The following PLAC8 variants were observed in gnomAD, a reference collection of about 807,000 sequenced individuals.
PLAC8 encodes placenta associated 8.
PLAC8 carries 6 observed loss-of-function variants against 12.6 expected under a neutral mutation model. That is an observed-to-expected ratio of 0.48 (90% CI 0.26 to 0.94). The LOEUF (loss-of-function observed/expected upper bound fraction) is 0.94. Among genes scored for constraint, PLAC8 ranks in the 40% least tolerant of loss-of-function variants. The probability of loss-of-function intolerance (pLI) is 0.14; values close to 1 mark genes in which losing one functional copy is unlikely to be tolerated. For synonymous variants in PLAC8, 54 were observed against 52.6 expected, an observed-to-expected ratio of 1.03 and a Z score of -0.11; for missense variants, 122 against 152.7, an observed-to-expected ratio of 0.80 and a Z score of 1.06.
intron 4 of PLAC8, 81 bp from the exon 5 acceptor site, chr4:83,091,052 T>G (rs957354201): frequency 6.6e-6 from 1 of 152,208 alleles, no homozygotes; most frequent in Non-Finnish European, 1.5e-5. Context: ...CAGAATCATT[T>G]TTGATTGACG....
Position 83,097,920 on chromosome 4 carries a change from G to A in PLAC8, c.244-3129C>T, listed in dbSNP as rs969159251. Among the ~76,000 whole-genome samples, 7 of 149,194 alleles carry A rather than the reference G, an allele frequency of 4.7e-5. No homozygotes were observed. In the East Asian group the frequency reaches 5.9e-4, roughly 13 times the overall value. On this transcript the variant is annotated intron_variant, in intron 3 of 4. Coordinates refer to ENST00000311507, the MANE Select transcript of PLAC8 (RefSeq NM_016619.3). ...TGCCACCAGGCTAGAGTGCAGTGGC[G>A]TGATCTCGGCTCACCGCAACCTCCG... is the stretch of plus-strand genomic sequence containing the variant.
intron 1 of PLAC8, among the ~76,000 whole-genome samples, chr4:83,112,128 C>T (rs1056347476): frequency 2.7e-5 from 4 of 149,078 alleles, no homozygotes; most frequent in African/African-American, 5.0e-5. Flanking sequence ...GAGCCAAGAT[C>T]GTGCCATTGC....
In PLAC8 at chr4:83,113,029, A is replaced by T. The variant is rs143199149; in HGVS notation, c.-30+1637T>A. 8.7e-3 allele frequency among the ~76,000 whole-genome samples: 1,303 copies of T among 150,238 alleles called. 8 individuals carry two copies. Among genetic ancestry groups the T allele is most frequent in the Non-Finnish European group, 0.014 (969 of 67,274 alleles). On this transcript the variant is annotated intron_variant, in intron 1 of 4. Coordinates refer to ENST00000311507, the MANE Select transcript of PLAC8 (RefSeq NM_016619.3). ...GTAGATTTCTAGACACTGCTCAGAGATTGTGACTTAGATAGAATGAGCTAG... is the reference window on the plus strand; with the variant it reads ...GTAGATTTCTAGACACTGCTCAGAGTTTGTGACTTAGATAGAATGAGCTAG...
chr4:83,095,681 A>G (rs1731909394), intron 3 of PLAC8, among the ~76,000 whole-genome samples: 1 of 152,224 alleles, frequency 6.6e-6, no homozygotes, highest in African/African-American at 2.4e-5. Flanking sequence ...CCTCTAACTA[A>G]AAGTCAAGAA....
chr4:83,110,490 CA>C (rs1357280498), intron 1 of PLAC8, among the ~76,000 whole-genome samples: 1 of 152,240 alleles, frequency 6.6e-6, no homozygotes, highest in Non-Finnish European at 1.5e-5. Flanking sequence ...GTAAGCTCCA[CA>C]AAGGCAGGGG....
At chr4:83,111,333 A>G (rs1391661364) in intron 1 of PLAC8, among the ~76,000 whole-genome samples, 1 of 152,262 alleles carries the variant, frequency 6.6e-6, no homozygotes, top group Non-Finnish European at 1.5e-5. Context: ...TCCTTTTCAG[A>G]AACAAAAAGC....
At chr4:83,091,922 G>A (rs1437177309) in intron 4 of PLAC8, among the ~76,000 whole-genome samples, 3 of 151,942 alleles carry the variant, frequency 2.0e-5, no homozygotes, top group Non-Finnish European at 4.4e-5. Flanking sequence ...AATCTAACAC[G>A]ACCTTATTTT....
At chr4:83,114,416 G>A (rs1051994875) in intron 1 of PLAC8, among the ~76,000 whole-genome samples, 5 of 152,156 alleles carry the variant, frequency 3.3e-5, no homozygotes, top group African/African-American at 1.2e-4. Context: ...CAATTGATGA[G>A]GATTCAAGGC....
chr4:83,110,299 T>C (rs1157814349), intron 1 of PLAC8, among the ~76,000 whole-genome samples: 1 of 136,592 alleles, frequency 7.3e-6, no homozygotes, highest in Non-Finnish European at 1.5e-5. Context: ...TGGATTCTAG[T>C]CTTGGGGTAC....
intron 2 of PLAC8, among the ~76,000 whole-genome samples, chr4:83,106,084 C>G (rs1411507564): frequency 6.6e-6 from 1 of 152,042 alleles, no homozygotes; most frequent in Non-Finnish European, 1.5e-5. Context: ...ACTGCAACCT[C>G]TACCTCTCAG....
intron 4 of PLAC8, among the ~76,000 whole-genome samples, chr4:83,091,413 G>T (rs950849953): frequency 2.0e-5 from 3 of 152,164 alleles, no homozygotes; most frequent in South Asian, 2.1e-4. Flanking sequence ...AGGTTTGTCT[G>T]ATGTTTTTCT....
In PLAC8 at chr4:83,094,760, A is replaced by G. The variant is rs1202679339; in HGVS notation, c.275T>C (p.Leu92Pro). Residue 92 changes from leucine to proline, a missense_variant, in exon 4 of 5, where the codon CTT becomes CCT. Physicochemically the swap from Leu to Pro is moderately conservative, Grantham distance 98. Transcript: ENST00000311507. ...GCAAAGAGTACAATGAGGACAGCAA[A>G]GAGTTGCCATATAGTCATCACAAAT... ...GSICDDYMATLCCPHCTLCQI... is the reference protein window; with the variant it reads ...GSICDDYMATPCCPHCTLCQI... 5 of 1,603,492 alleles carry G rather than the reference A, an allele frequency of 3.1e-6. No homozygotes were observed.
chr4:83,094,684 T>C lies in PLAC8; in HGVS notation c.*3A>G. 1 of 1,575,876 alleles carries C rather than the reference T, an allele frequency of 6.3e-7. No homozygotes were observed. The highest frequency in any genetic ancestry group is 8.7e-7 in the Non-Finnish European group (1 of 1,152,902). On this transcript the variant is annotated 3_prime_UTR_variant, in exon 4 of 5. Coordinates refer to ENST00000311507, the MANE Select transcript of PLAC8 (RefSeq NM_016619.3). ...CATGTTTGCATTGACTCACCATCAG[T>C]TTTTAGAAAGTACGCATGGCTCTCC...
chr4:83,111,935 G>C (rs1732431599), intron 1 of PLAC8, among the ~76,000 whole-genome samples: 1 of 152,126 alleles, frequency 6.6e-6, no homozygotes. Flanking sequence ...GCTTACGCCT[G>C]TAATCCCAGC....
At chr4:83,098,652 A>G (rs1732005024) in intron 3 of PLAC8, among the ~76,000 whole-genome samples, 1 of 152,234 alleles carries the variant, frequency 6.6e-6, no homozygotes, top group African/African-American at 2.4e-5. Flanking sequence ...AGGAGGACAG[A>G]AAGAAGAGAC....
rs1380018876 is a variant in PLAC8, at chr4:83,098,489, T to C, written c.244-3698A>G. On this transcript the variant is annotated intron_variant, in intron 3 of 4. Transcript: ENST00000311507. ...CAAACTAATTAAAACTGGATAGATA[T>C]ATACAATTTTATGTAAAAACTAGCT... Among the ~76,000 whole-genome samples, 3 of 152,232 alleles carry C rather than the reference T, an allele frequency of 2.0e-5. No individual in the cohort carries two copies. The East Asian group carries it at 5.8e-4, about 29-fold the overall frequency.
rs754487946 is a variant in PLAC8, at chr4:83,107,832, C to T, written c.90G>A (p.Met30Ile). The change falls in exon 2 of 5, where the codon ATG (methionine) becomes ATA (isoleucine). Residue 30 changes from methionine (M) to isoleucine (I), a missense_variant. Physicochemically the swap from Met to Ile is conservative, Grantham distance 10. Transcript: ENST00000311507. ...CTCCGCAGTCGCTGAAACAGTCACA[C>T]ATGCCTGTCTGCCAGTTGGAGTTCT... ...APQNSNWQTG[M>I]CDCFSDCGVC... 11 of 1,608,400 alleles carry T rather than the reference C, an allele frequency of 6.8e-6. No homozygotes were observed. The South Asian group carries it at 8.8e-5, about 13-fold the overall frequency.
intron 4 of PLAC8, among the ~76,000 whole-genome samples, chr4:83,092,694 A>G (rs974075761): frequency 5.3e-5 from 8 of 151,096 alleles, no homozygotes; most frequent in African/African-American, 1.9e-4. Context: ...CTTATGCCAT[A>G]TGTTCTAGCC....
intron 3 of PLAC8, among the ~76,000 whole-genome samples, chr4:83,104,656 C>T (rs73830423): frequency 0.018 from 2,805 of 152,270 alleles, 99 homozygotes; most frequent in African/African-American, 0.062. Context: ...TAAGCCTCTT[C>T]CATGGTATGA....
Sources: gnomAD v4.1 joint callset for allele counts (sites outside exome capture counted in the v4.1 genomes callset) on GRCh38, gnomAD v4.1.1 for gene constraint, MANE v1.5 for transcripts, NCBI Gene and HGNC (gene_info 2026-07-23, HGNC 2026-07-21) for gene names.